NR1D2: variants seen among roughly 807,000 people sequenced by gnomAD.
NR1D2 encodes V-erbA-related protein 1-related.
A neutral mutation model predicts 52.2 loss-of-function variants in NR1D2; 25 were observed. That is an observed-to-expected ratio of 0.48 (90% CI 0.35 to 0.67). The LOEUF is 0.67. NR1D2 is among the 30% of genes least tolerant of loss of function. The pLI is 0.01. For synonymous variants in NR1D2, 259 were observed against 230.1 expected, an observed-to-expected ratio of 1.13 and a Z score of -1.14; for missense variants, 681 against 707.2, an observed-to-expected ratio of 0.96 and a Z score of 0.42.
At chr3:23,961,389 C>CTTTTTTTTTTTTTT (rs869108010) in intron 4 of NR1D2, among the ~76,000 whole-genome samples, 1 of 76,012 alleles carries the variant, frequency 1.3e-5, no homozygotes, top group Non-Finnish European at 2.4e-5. Flanking sequence ...CTTTTTCTTT[C>CTTTTTTTTTTTTTT]TTTTTTTTTT....
chr3:23,952,678 G>C (rs1705971034), intron 1 of NR1D2, among the ~76,000 whole-genome samples: 1 of 150,336 alleles, frequency 6.7e-6, no homozygotes, highest in Non-Finnish European at 1.5e-5. Context: ...GTGAGCTGAG[G>C]TTGTGCCACT....
chr3:23,974,680 A>G (rs1440393500), intron 7 of NR1D2, among the ~76,000 whole-genome samples: 1 of 152,164 alleles, frequency 6.6e-6, no homozygotes, highest in Non-Finnish European at 1.5e-5. Context: ...GGGACTCTTC[A>G]AATCATTACT....
At chr3:23,947,216 A>C (rs564933400) in intron 1 of NR1D2, among the ~76,000 whole-genome samples, 1 of 152,206 alleles carries the variant, frequency 6.6e-6, no homozygotes, top group Non-Finnish European at 1.5e-5. Flanking sequence ...CATGAATTCT[A>C]ATAGCTTTAG....
At chr3:23,966,845 C>T (rs1014735072) in intron 6 of NR1D2, among the ~76,000 whole-genome samples, 2 of 152,004 alleles carry the variant, frequency 1.3e-5, no homozygotes, top group African/African-American at 4.8e-5. Context: ...GCCTAGGCAA[C>T]ATGGTGAAAC....
In NR1D2 at chr3:23,959,759, A is replaced by G; in HGVS notation, c.461A>G (p.Asn154Ser). The change falls in exon 4 of 8, where the codon AAC (asparagine) becomes AGC (serine). Residue 154 changes from asparagine (N) to serine (S), a missense_variant. Asn to Ser is a conservative substitution (Grantham distance 46). Transcript: ENST00000312521. ...ENCSIMRMNR[N>S]RCQQCRFKKC... Reference sequence around the variant, plus strand: ...TGTTCTATAATGAGAATGAATAGGAACAGATGTCAGCAATGTCGCTTCAAA... The same window carrying G: ...TGTTCTATAATGAGAATGAATAGGAGCAGATGTCAGCAATGTCGCTTCAAA... The G allele has an allele frequency of 1.9e-6, 3 of 1,613,986 alleles. No homozygotes were observed. Among genetic ancestry groups the G allele is most frequent in the East Asian group, 2.2e-5 (1 of 44,852 alleles).
rs567144386 is a variant in NR1D2, at chr3:23,976,487, G to A, written c.1544-736G>A. On this transcript the variant is annotated intron_variant, in intron 7 of 7. Coordinates refer to ENST00000312521, the MANE Select transcript of NR1D2 (RefSeq NM_005126.5). ...CTGCTTTCAGTTGTATGTAGTTATC[G>A]GCAAGATTGAGTTCCTTGCAAGCTG... Among the ~76,000 whole-genome samples the A allele has an allele frequency of 7.7e-4, 118 of 152,258 alleles. 2 individuals carry two copies. The South Asian group carries it at 0.012, about 15-fold the overall frequency.
At position 23,965,025 on chromosome 3, in the gene NR1D2, C is replaced by A. The variant is rs1407899924; in HGVS notation, c.1195C>A (p.His399Asn). 1.9e-6 allele frequency: 3 copies of A among 1,613,658 alleles called. No individual in the cohort carries two copies. In the African/African-American group the frequency reaches 4.0e-5, roughly 22 times the overall value. Residue 399 changes from histidine to asparagine, a missense_variant, in exon 6 of 8, where the codon CAT (histidine) becomes AAT (asparagine). Physicochemically the swap from His to Asn is moderately conservative, Grantham distance 68. Transcript: ENST00000312521. ...SPYVDPHKSG[H>N]EIWEEFSMSF... The stretch of plus-strand genomic sequence containing the variant: ...ATATGTGGATCCTCATAAATCAGGA[C>A]ATGAAATCTGGGAAGAATTTTCGAT...
At position 23,969,228 on chromosome 3, in the gene NR1D2, G is replaced by A. The variant is rs766593672; in HGVS notation, c.1543+1205G>A. Among the ~76,000 whole-genome samples, 310 of 151,662 alleles carry A rather than the reference G, an allele frequency of 2.0e-3. 1 individual carries two copies. The highest frequency in any genetic ancestry group is 3.3e-3 in the Non-Finnish European group (226 of 67,840). On this transcript the variant is annotated intron_variant, in intron 7 of 7. Transcript: ENST00000312521. The stretch of plus-strand genomic sequence containing the variant: ...TTGAACCTGGGAGGCAGAGGTGGCC[G>A]TGAGCCGAGATCACACCAGCTTGCA...
chr3:23,947,644 A>G (rs1390872539), intron 1 of NR1D2, among the ~76,000 whole-genome samples: 1 of 152,210 alleles, frequency 6.6e-6, no homozygotes, highest in Non-Finnish European at 1.5e-5. Flanking sequence ...GTGAACTATT[A>G]TGAAGTTAGA....
intron 7 of NR1D2, among the ~76,000 whole-genome samples, chr3:23,974,015 A>G (rs1008829829): frequency 1.4e-5 from 2 of 144,648 alleles, no homozygotes; most frequent in Non-Finnish European, 3.0e-5. Context: ...ATCACCTTCT[A>G]TATTTCTATG....
intron 7 of NR1D2, among the ~76,000 whole-genome samples, 198 bp from the exon 8 acceptor site, chr3:23,977,025 T>A (rs747614803): frequency 2.4e-4 from 37 of 152,196 alleles, no homozygotes; most frequent in Non-Finnish European, 4.7e-4. Flanking sequence ...TTATGTGATA[T>A]ATATGCTTTA....
intron 5 of NR1D2, chr3:23,963,440 C>A: frequency 8.6e-7 from 1 of 1,167,666 alleles, no homozygotes; most frequent in Non-Finnish European, 1.1e-6. Flanking sequence ...TTATGTTAGG[C>A]TAAGTCGTTG....
chr3:23,963,237 T>G, intron 5 of NR1D2: 1 of 1,350,114 alleles, frequency 7.4e-7, no homozygotes, highest in South Asian at 1.1e-5. Context: ...AGTGTTCATA[T>G]TCAGCCAAAA....
chr3:23,946,040 C>T (rs973778705), intron 1 of NR1D2: 40 of 937,502 alleles, frequency 4.3e-5, no homozygotes, highest in South Asian at 4.9e-5. Flanking sequence ...GGCGCGCGCG[C>T]GCGCGCTGGC....
intron 6 of NR1D2, among the ~76,000 whole-genome samples, chr3:23,966,402 T>C (rs1249014491): frequency 4.6e-5 from 7 of 152,260 alleles, no homozygotes; most frequent in Non-Finnish European, 1.0e-4. Context: ...GGTGTTGGTT[T>C]CTTGAAGCAG....
chr3:23,967,102 G>A (rs1706467781), intron 6 of NR1D2, among the ~76,000 whole-genome samples: 1 of 152,126 alleles, frequency 6.6e-6, no homozygotes, highest in African/African-American at 2.4e-5. Flanking sequence ...GAGATGGGTG[G>A]ATCACCTAAG....
chr3:23,968,787 T>C (rs1230835103), intron 7 of NR1D2, among the ~76,000 whole-genome samples: 4 of 152,242 alleles, frequency 2.6e-5, no homozygotes, highest in Non-Finnish European at 5.9e-5. Flanking sequence ...TGAGGTACTT[T>C]CCTGGGTATG....
chr3:23,946,128 C>G (rs969791768), intron 1 of NR1D2: 6 of 984,976 alleles, frequency 6.1e-6, no homozygotes, highest in Non-Finnish European at 7.2e-6. Context: ...ATTCCCTCCT[C>G]CCCCGCGGGG....
chr3:23,962,014 G>A lies in NR1D2; in HGVS notation c.555G>A (p.Gln185=). Reference sequence around the variant, plus strand: ...GTCGTATTCCTAAGCGTGAAAAACAGAGGATGCTAATTGAAATGCAAAGTG... The same window carrying A: ...GTCGTATTCCTAAGCGTGAAAAACAAAGGATGCTAATTGAAATGCAAAGTG... ...RFGRIPKREK[Q]RMLIEMQSAM... The change falls in exon 5 of 8, where the codon CAG becomes CAA. Residue 185 remains glutamine, a synonymous_variant. Coordinates refer to ENST00000312521, the MANE Select transcript of NR1D2 (RefSeq NM_005126.5). The A allele has an allele frequency of 6.2e-7, 1 of 1,612,804 alleles. No individual in the cohort carries two copies. Among genetic ancestry groups the A allele is most frequent in the East Asian group, 2.2e-5 (1 of 44,858 alleles).
Sources: allele counts gnomAD v4.1 joint callset (sites outside exome capture counted in the v4.1 genomes callset), GRCh38; gene constraint gnomAD v4.1.1; transcripts MANE v1.5; gene names NCBI Gene and HGNC (gene_info 2026-07-23, HGNC 2026-07-21).